Variants in DVL1 observed in about 807,000 individuals in gnomAD.
DVL1 encodes segment polarity protein dishevelled homolog DVL-1.
A neutral mutation model predicts 65.0 loss-of-function variants in DVL1; 49 were observed. That is an observed-to-expected ratio of 0.75 (90% confidence interval 0.60 to 0.96). DVL1 has a LOEUF of 0.96. Among genes scored for constraint, DVL1 ranks in the 40% least tolerant of loss-of-function variants. DVL1 has a pLI of 0.00. For synonymous variants in DVL1, 608 were observed against 433.9 expected (o/e 1.40, Z -4.99); for missense variants, 1,197 against 1,045.4 (o/e 1.15, Z -2.00).
rs1406765039 is a variant in DVL1 at position 1,349,001 on chromosome 1, G to T, written c.65C>A (p.Pro22His). ...CAGCGTGACGCGCTCGGGGGCCACGGGCAGCTTGACCAGGTACGGCGTCTC... is the reference window on the plus strand; with the variant it reads ...CAGCGTGACGCGCTCGGGGGCCACGTGCAGCTTGACCAGGTACGGCGTCTC... ...EEETPYLVKL[P>H]VAPERVTLAD... Residue 22 changes from proline (P) to histidine (H), a missense_variant, in exon 1 of 15, where the codon CCC (proline) becomes CAC (histidine). Pro to His is a moderately conservative substitution (Grantham distance 77). Transcript: ENST00000378888. This position sits in a 1 kb window ranked among gnomAD's most constrained non-coding sequence, Gnocchi z 4.1. 1 of 1,577,390 alleles carries T rather than the reference G, an allele frequency of 6.3e-7. No individual in the cohort carries two copies. The highest frequency in any genetic ancestry group is 8.6e-7 in the Non-Finnish European group (1 of 1,159,750).
chr1:1,340,155 G>C lies in DVL1; in HGVS notation c.792C>G (p.Ile264Met). The C allele has an allele frequency of 6.2e-7, 1 of 1,613,762 alleles. No individual in the cohort carries two copies. Among genetic ancestry groups the C allele is most frequent in the East Asian group, 2.2e-5 (1 of 44,878 alleles). The change falls in exon 8 of 15, where the codon ATC (isoleucine) becomes ATG (methionine). Residue 264 changes from isoleucine to methionine, a missense_variant. Transcript: ENST00000378888. ...LNMERHHFLG[I>M]SIVGQSNDRG... ...GGTCGTTGCTCTGCCCCACGATGCTGATGCCCAGAAAGTGATGTCTTTCTG... is the reference window on the plus strand; with the variant it reads ...GGTCGTTGCTCTGCCCCACGATGCTCATGCCCAGAAAGTGATGTCTTTCTG...
intron 5 of DVL1, among the ~76,000 whole-genome samples, chr1:1,341,164 C>G (rs1315077147): frequency 1.3e-5 from 2 of 150,480 alleles, no homozygotes; most frequent in Non-Finnish European, 1.5e-5. Context: ...TACACCTGTA[C>G]AAGCACACCT....
At chr1:1,338,719 C>T in intron 11 of DVL1, 66 bp from the exon 12 acceptor site, 1 of 1,558,494 alleles carries the variant, frequency 6.4e-7, no homozygotes, top group Non-Finnish European at 8.6e-7. Flanking sequence ...GGGCCCTGCA[C>T]CCCCAGGGGA....
At chr1:1,341,980 G>A (rs1310528394) in intron 4 of DVL1, 73 bp downstream of exon 4, 8 of 1,469,750 alleles carry the variant, frequency 5.4e-6, no homozygotes, top group South Asian at 1.3e-5. Context: ...AGGAACTGCT[G>A]TAGTAGGAAC....
At chr1:1,339,259 G>C (rs1569694408) in intron 11 of DVL1, 28 bp downstream of exon 11, 1 of 1,548,252 alleles carries the variant, frequency 6.5e-7, no homozygotes. Context: ...CTCGGTTTCT[G>C]CTGGGGCCCT....
chr1:1,348,213 C>G (rs1643949312), intron 1 of DVL1, among the ~76,000 whole-genome samples: 1 of 152,144 alleles, frequency 6.6e-6, no homozygotes, highest in African/African-American at 2.4e-5. Context: ...GGGGTCTCCT[C>G]GCCTGGGACA....
At chr1:1,337,898 A>AGCAGCGGGGTGGGGTGGAG (rs1557663583) in intron 14 of DVL1, 79 bp downstream of exon 14, 11 of 1,129,786 alleles carry the variant, frequency 9.7e-6, no homozygotes, top group African/African-American at 1.6e-5. Context: ...GTGGGGTGGA[A>AGCAGCGGGGTGGGGTGGAG]CTGGGGGCGG....
Position 1,336,516 on chromosome 1 carries a change from C to G in DVL1, c.1715-1G>C. ...CGGGTGGACCCACTGCTTTTGCTCCCTGGGAGTGAGAACAGGATGGGGAAG... is the reference window on the plus strand; with the variant it reads ...CGGGTGGACCCACTGCTTTTGCTCCGTGGGAGTGAGAACAGGATGGGGAAG... On this transcript the variant is annotated splice_acceptor_variant, in intron 14 of 14. Coordinates refer to ENST00000378888, the MANE Select transcript of DVL1 (RefSeq NM_001330311.2). LOFTEE classifies it high-confidence loss of function. 2 of 1,508,322 alleles carry G rather than the reference C, an allele frequency of 1.3e-6. No individual in the cohort carries two copies. Among genetic ancestry groups the G allele is most frequent in the Non-Finnish European group, 1.8e-6 (2 of 1,137,378 alleles). 93.4% of individuals were successfully genotyped at this position (1,508,322 alleles called of 1,614,324 possible). A position where few individuals can be genotyped will look rare whatever the true frequency, so the allele number is the denominator to read the frequency against.
chr1:1,348,371 T>G (rs2100778238), intron 1 of DVL1, among the ~76,000 whole-genome samples: 1 of 152,306 alleles, frequency 6.6e-6, no homozygotes, highest in Non-Finnish European at 1.5e-5. Context: ...GAATAAAGTT[T>G]CATGGTCACC....
chr1:1,340,737 GAC>G (rs1260773179), intron 5 of DVL1, among the ~76,000 whole-genome samples: 1 of 151,046 alleles, frequency 6.6e-6, no homozygotes, highest in African/African-American at 2.5e-5. Context: ...ATCCACTACT[GAC>G]ACACCTGCAC....
rs1197370274 is a variant in DVL1, at chr1:1,349,378, G to A, written c.-313C>T. The A allele has an allele frequency of 6.9e-6, 1 of 145,504 alleles. No homozygotes were observed. The highest frequency in any genetic ancestry group is 2.0e-4 in the East Asian group (1 of 5,012). The allele number at this position is 145,504 out of a possible 1,614,324, so 9.0% of individuals were successfully genotyped here. A position where few individuals can be genotyped will look rare whatever the true frequency, so the allele number is the denominator to read the frequency against. ...CCGCCTGCGCCCCTCGGGCCGCGCC[G>A]TTAAAGGGACCGCCCGGCCCGGGGT... is the stretch of plus-strand genomic sequence containing the variant. On this transcript the variant is annotated 5_prime_UTR_variant, in exon 1 of 15. It adds an upstream start codon to the 5' untranslated region. Transcript: ENST00000378888. This position sits in a 1 kb window ranked among gnomAD's most constrained non-coding sequence, Gnocchi z 4.1.
rs1247831600 is a variant in DVL1, at chr1:1,339,295, C to A, written c.1199G>T (p.Gly400Val). The change falls in exon 11 of 15, where the codon GGT becomes GTT. Residue 400 changes from glycine to valine, a missense_variant. Physicochemically the swap from Gly to Val is moderately radical, Grantham distance 109. Transcript: ENST00000378888. ...SSSSLTSSVPGAPQLEEAPLT... is the reference protein window; with the variant it reads ...SSSSLTSSVPVAPQLEEAPLT... ...CAGGAGCTGCCACTTACGTGGAGCA[C>A]CAGGCACGGAGCTGGTTAGTGAGGA... is the stretch of plus-strand genomic sequence containing the variant. The A allele has an allele frequency of 1.3e-6, 2 of 1,548,386 alleles. No homozygotes were observed. The highest frequency in any genetic ancestry group is 1.7e-6 in the Non-Finnish European group (2 of 1,146,884).
chr1:1,345,323 C>G (rs889006508), intron 1 of DVL1, among the ~76,000 whole-genome samples: 1 of 152,174 alleles, frequency 6.6e-6, no homozygotes, highest in Non-Finnish European at 1.5e-5. Flanking sequence ...CCTGGCTGGG[C>G]CAGGAGAAAG....
At chr1:1,348,579 C>T (rs1553176038) in intron 1 of DVL1, among the ~76,000 whole-genome samples, 1 of 152,234 alleles carries the variant, frequency 6.6e-6, no homozygotes, top group African/African-American at 2.4e-5. Context: ...CCCGCACCAA[C>T]GGCAGGCGCT....
intron 1 of DVL1, among the ~76,000 whole-genome samples, chr1:1,343,265 C>G (rs554318700): frequency 4.7e-5 from 7 of 149,714 alleles, no homozygotes; most frequent in African/African-American, 7.5e-5. Flanking sequence ...GAGCCCCCCC[C>G]CCCCAGGGCT....
chr1:1,338,229 T>TGGGCCCCCCCCCCC, intron 13 of DVL1, 40 bp downstream of exon 13: 4 of 1,522,346 alleles, frequency 2.6e-6, no homozygotes, highest in Non-Finnish European at 2.7e-6. Flanking sequence ...CCTCCGGCGT[T>TGGGCCCCCCCCCCC]CCCCTCCCCC....
intron 1 of DVL1, among the ~76,000 whole-genome samples, chr1:1,345,886 G>A (rs904924912): frequency 3.3e-5 from 5 of 152,094 alleles, no homozygotes; most frequent in Non-Finnish European, 5.9e-5. Flanking sequence ...GGGGGTCTGT[G>A]GCCTCCCAAC....
intron 1 of DVL1, among the ~76,000 whole-genome samples, chr1:1,347,380 A>G (rs1569747751): frequency 6.6e-6 from 1 of 152,150 alleles, no homozygotes; most frequent in East Asian, 1.9e-4. Context: ...AAATGTGCCC[A>G]GCAGGTGCAG....
chr1:1,342,941 C>T (rs1278535859), intron 1 of DVL1, among the ~76,000 whole-genome samples, 183 bp from the exon 2 acceptor site: 1 of 151,992 alleles, frequency 6.6e-6, no homozygotes, highest in Non-Finnish European at 1.5e-5. Flanking sequence ...CCCCACCCCC[C>T]CAGCATGGGG....
Sources: gnomAD v4.1 joint callset for allele counts (sites outside exome capture counted in the v4.1 genomes callset) on GRCh38, gnomAD v4.1.1 for gene constraint, Gnocchi (gnomAD v3.1) non-coding constraint, MANE v1.5 for transcripts, NCBI Gene and HGNC (gene_info 2026-07-23, HGNC 2026-07-21) for gene names.